The following MBTPS2 variants were observed in gnomAD, a reference collection of about 807,000 sequenced individuals.
The protein encoded by MBTPS2 is membrane-bound transcription factor site-2 protease.
In MBTPS2, 2 loss-of-function variants were observed where a neutral mutation model predicts 35.4. The ratio of observed to expected loss-of-function variants is 0.06; its 90% CI spans 0.02 to 0.18. MBTPS2 has a LOEUF of 0.18. Ranked by LOEUF, MBTPS2 falls within the 10% of genes least tolerant of loss-of-function variation. MBTPS2 has a pLI of 1.00. For synonymous variants in MBTPS2, 125 were observed against 140.4 expected (o/e 0.89, Z 0.77); for missense variants, 244 against 386.5 (o/e 0.63, Z 3.09).
chrX:21,883,820 C>A lies in MBTPS2; in HGVS notation c.*1165C>A. ...CAGGGCTTGGGAACTGATTCTTGAGCCCAGAAGAGCCACGCCTGCTTTGAG... is the reference window on the plus strand; with the variant it reads ...CAGGGCTTGGGAACTGATTCTTGAGACCAGAAGAGCCACGCCTGCTTTGAG... On this transcript the variant is annotated 3_prime_UTR_variant, in exon 11 of 11. Coordinates refer to ENST00000379484, the MANE Select transcript of MBTPS2 (RefSeq NM_015884.4). 5.3e-5 allele frequency: 40 copies of A among 753,946 alleles called. No individual in the cohort carries two copies. Among genetic ancestry groups the A allele is most frequent in the Non-Finnish European group, 6.3e-5 (40 of 639,315 alleles). The allele number at this position is 753,946 out of a possible 1,213,427, so 62.1% of individuals were successfully genotyped here. A position where few individuals can be genotyped will look rare whatever the true frequency, so the allele number is the denominator to read the frequency against.
chrX:21,873,995 G>GTATATATA (rs1307380580), intron 7 of MBTPS2, among the ~76,000 whole-genome samples: 2 of 66,670 alleles, frequency 3.0e-5, no homozygotes, highest in African/African-American at 1.3e-4. Context: ...GTGTGTGTGT[G>GTATATATA]TGTGTGTATA....
At chrX:21,869,963 G>A (rs770688524) in intron 7 of MBTPS2, 53 of 251,338 alleles carry the variant, frequency 2.1e-4, no homozygotes, top group South Asian at 1.4e-3. Context: ...AATCATAGCC[G>A]GGCGCAGTGG....
At chrX:21,852,798 TC>T (rs1308394786) in intron 4 of MBTPS2, among the ~76,000 whole-genome samples, 1 of 110,106 alleles carries the variant, frequency 9.1e-6, no homozygotes, top group Non-Finnish European at 1.9e-5. Flanking sequence ...AAAATGGTTC[TC>T]TTTTTTTTTT....
chrX:21,875,053 T>A (rs972865580), intron 7 of MBTPS2, among the ~76,000 whole-genome samples: 3 of 112,368 alleles, frequency 2.7e-5, no homozygotes, highest in Non-Finnish European at 5.6e-5. Context: ...TTTCACTCTT[T>A]ATTGGAAAAT....
At chrX:21,857,588 C>A (rs752711871) in intron 5 of MBTPS2, 1 of 1,201,215 alleles carries the variant, frequency 8.3e-7, no homozygotes, top group Admixed American at 2.2e-5. Flanking sequence ...ATGTGAAGAC[C>A]AAAAACAACC....
At chrX:21,872,289 A>G (rs143661229) in intron 7 of MBTPS2, 55 of 112,179 alleles carry the variant, frequency 4.9e-4, no homozygotes, top group Non-Finnish European at 8.7e-4. Flanking sequence ...TACTTAGGAT[A>G]TCTGCATTTT....
intron 5 of MBTPS2, chrX:21,856,723 T>C: frequency 1.7e-6 from 2 of 1,211,934 alleles, no homozygotes; most frequent in African/African-American, 3.5e-5. Context: ...GAAATGCTTA[T>C]GTTGCAGACA....
At chrX:21,841,348 G>C (rs2092902353) in intron 1 of MBTPS2, among the ~76,000 whole-genome samples, 1 of 81,001 alleles carries the variant, frequency 1.2e-5, no homozygotes, top group Non-Finnish European at 2.3e-5. Context: ...TTGAGTCTGA[G>C]AGTCAGAGGT....
At chrX:21,869,262 A>T (rs932325623) in intron 6 of MBTPS2, among the ~76,000 whole-genome samples, 1 of 112,406 alleles carries the variant, frequency 8.9e-6, no homozygotes, top group South Asian at 3.6e-4. Flanking sequence ...CTTAACAGTC[A>T]GCAAGTCGGC....
At chrX:21,862,967 T>TATATATATATATATATATATAA (rs1283198445) in intron 5 of MBTPS2, among the ~76,000 whole-genome samples, 10 of 58,348 alleles carry the variant, frequency 1.7e-4, no homozygotes, top group East Asian at 6.5e-4. Flanking sequence ...TATATATATA[T>TATATATATATATATATATATAA]AAAACCGACT....
At chrX:21,858,904 AAAG>A (rs1229666021) in intron 5 of MBTPS2, among the ~76,000 whole-genome samples, 1 of 102,959 alleles carries the variant, frequency 9.7e-6, no homozygotes, top group Non-Finnish European at 2.0e-5. Context: ...AAAAAAAAAA[AAAG>A]AGAAAAAGGG....
At chrX:21,865,183 C>T (rs1197893166) in intron 5 of MBTPS2, among the ~76,000 whole-genome samples, 1 of 105,699 alleles carries the variant, frequency 9.5e-6, no homozygotes, top group East Asian at 2.9e-4. Flanking sequence ...AGCTACCACA[C>T]GGGGCTATTT....
chrX:21,867,016 CA>C (rs760076000), intron 5 of MBTPS2, among the ~76,000 whole-genome samples: 17,301 of 56,920 alleles, frequency 0.3, 1,533 homozygotes, highest in East Asian at 0.46. Context: ...GACTCTGTCT[CA>C]AAAAAAAAAA....
At chrX:21,849,985 C>T (rs2092913010) in intron 3 of MBTPS2, among the ~76,000 whole-genome samples, 1 of 102,302 alleles carries the variant, frequency 9.8e-6, no homozygotes, top group African/African-American at 3.6e-5. Flanking sequence ...CGAGATCGCG[C>T]CATTGCACTC....
At chrX:21,875,378 A>G (rs1241742523) in intron 7 of MBTPS2, among the ~76,000 whole-genome samples, 2 of 111,856 alleles carry the variant, frequency 1.8e-5, no homozygotes, top group African/African-American at 6.5e-5. Flanking sequence ...CCCCTAGAAC[A>G]GGCCATGTAT....
chrX:21,873,651 G>A (rs1292193193), intron 7 of MBTPS2, among the ~76,000 whole-genome samples: 1 of 111,007 alleles, frequency 9.0e-6, no homozygotes, highest in African/African-American at 3.3e-5. Context: ...GGCATCCACC[G>A]TGAACAGTTT....
chrX:21,851,827 T>C (rs943179236), intron 4 of MBTPS2, among the ~76,000 whole-genome samples: 4 of 111,912 alleles, frequency 3.6e-5, no homozygotes, highest in African/African-American at 9.8e-5. Context: ...ACCATGGGCA[T>C]ATCTGTAATC....
chrX:21,854,387 C>T lies in MBTPS2; in HGVS notation c.670+884C>T, dbSNP rs148045142. Reference sequence around the variant, plus strand: ...TGTCAATAAACATAAATGAAATAAGCTCACCTACTGAAAGAAAGATGCCCT... The same window carrying T: ...TGTCAATAAACATAAATGAAATAAGTTCACCTACTGAAAGAAAGATGCCCT... On this transcript the variant is annotated intron_variant, in intron 5 of 10. Coordinates refer to ENST00000379484, the MANE Select transcript of MBTPS2 (RefSeq NM_015884.4). Among the ~76,000 whole-genome samples, 805 of 112,009 alleles carry T rather than the reference C, an allele frequency of 7.2e-3. 6 individuals are homozygous for T. Among genetic ancestry groups the T allele is most frequent in the African/African-American group, 0.025 (761 of 30,863 alleles).
At chrX:21,864,374 C>T (rs2092936958) in intron 5 of MBTPS2, among the ~76,000 whole-genome samples, 1 of 111,878 alleles carries the variant, frequency 8.9e-6, no homozygotes, top group African/African-American at 3.3e-5. Flanking sequence ...GCTGGGATTA[C>T]AGGCACCTGC....
Sources: gnomAD v4.1 joint callset for allele counts (sites outside exome capture counted in the v4.1 genomes callset) on GRCh38, gnomAD v4.1.1 for gene constraint, MANE v1.5 for transcripts, NCBI Gene and HGNC (gene_info 2026-07-23, HGNC 2026-07-21) for gene names.